Variants in SLC5A3 observed in about 807,000 individuals in gnomAD.
SLC5A3 encodes the protein solute carrier family 5 member 3.
In SLC5A3, 10 loss-of-function variants were observed where a neutral mutation model predicts 43.2. That is an observed-to-expected ratio of 0.23 (90% CI 0.14 to 0.39). The LOEUF is 0.39. Among genes scored for constraint, SLC5A3 ranks in the 10% least tolerant of loss-of-function variants. The probability of loss-of-function intolerance (pLI) is 1.00; values close to 1 mark genes in which losing one functional copy is unlikely to be tolerated. For synonymous variants in SLC5A3, 349 were observed against 322.0 expected (o/e 1.08, Z -0.90); for missense variants, 608 against 893.4 (o/e 0.68, Z 4.07).
rs560496840 is a variant in SLC5A3 at position 34,105,428 on chromosome 21, A to C, written c.*8073A>C. ...TCCTGTGAAATTGCTTCATTCATTC[A>C]TTTATTTTTAAGCCAAATGTCAGCA... On this transcript the variant is annotated 3_prime_UTR_variant, in exon 2 of 2. Transcript: ENST00000381151. 1.0e-6 allele frequency: 1 copy of C among 997,186 alleles called. No individual in the cohort carries two copies. The highest frequency in any genetic ancestry group is 4.7e-5 in the South Asian group (1 of 21,274). The allele number at this position is 997,186 out of a possible 1,614,324, so 61.8% of individuals were successfully genotyped here. A position where few individuals can be genotyped will look rare whatever the true frequency, so the allele number is the denominator to read the frequency against.
chr21:34,078,951 C>A (rs1989396142), intron 1 of SLC5A3, among the ~76,000 whole-genome samples: 1 of 152,178 alleles, frequency 6.6e-6, no homozygotes, highest in Non-Finnish European at 1.5e-5. Context: ...GTAGTTACCT[C>A]TTAGGGGAAT....
At chr21:34,087,819 G>A (rs976411817) in intron 1 of SLC5A3, among the ~76,000 whole-genome samples, 6 of 152,224 alleles carry the variant, frequency 3.9e-5, no homozygotes, top group African/African-American at 1.4e-4. Flanking sequence ...GAGATGGAAT[G>A]GTGATTTGAA....
intron 1 of SLC5A3, among the ~76,000 whole-genome samples, chr21:34,090,082 T>G (rs139112992): frequency 6.6e-6 from 1 of 152,128 alleles, no homozygotes; most frequent in Non-Finnish European, 1.5e-5. Flanking sequence ...TCAAAAAGTT[T>G]TGGATTTGGG....
chr21:34,084,799 A>AT (rs1989534595), intron 1 of SLC5A3, among the ~76,000 whole-genome samples: 1 of 152,060 alleles, frequency 6.6e-6, no homozygotes, highest in Non-Finnish European at 1.5e-5. Context: ...TTATCTTAAA[A>AT]TTTTTTTCAT....
Position 34,098,887 on chromosome 21 carries a change from A to G in SLC5A3, c.*1532A>G. 1.0e-6 allele frequency: 1 copy of G among 999,090 alleles called. No individual in the cohort carries two copies. The highest frequency in any genetic ancestry group is 1.2e-6 in the Non-Finnish European group (1 of 828,938). 61.9% of individuals were successfully genotyped at this position (999,090 alleles called of 1,614,324 possible). A position where few individuals can be genotyped will look rare whatever the true frequency, so the allele number is the denominator to read the frequency against. On this transcript the variant is annotated 3_prime_UTR_variant, in exon 2 of 2. Transcript: ENST00000381151. ...GCAAATTATGTATGTACTTTCTTTG[A>G]CCTTCTTTAATCTCTGATACTTTTT... is the stretch of plus-strand genomic sequence containing the variant.
chr21:34,095,965 A>G lies in SLC5A3; in HGVS notation c.767A>G (p.Asp256Gly), dbSNP rs759490854. ...CTGAAAATGCTGCGGAATCCAACAG[A>G]TGAAGATGTTCCTTGGCCTGGATTC... Reference protein sequence around the residue: ...EALKMLRNPTDEDVPWPGFIL... With the variant: ...EALKMLRNPTGEDVPWPGFIL... The change falls in exon 2 of 2, where the codon GAT becomes GGT. Residue 256 changes from aspartate (D) to glycine (G), a missense_variant. Transcript: ENST00000381151. 3.1e-6 allele frequency: 5 copies of G among 1,614,004 alleles called. No homozygotes were observed.
rs1379256092 is a variant in SLC5A3 at position 34,104,138 on chromosome 21, A to G, written c.*6783A>G. The G allele has an allele frequency of 1.0e-6, 1 of 999,756 alleles. No homozygotes were observed. The highest frequency in any genetic ancestry group is 6.2e-5 in the Admixed American group (1 of 16,234). The allele number at this position is 999,756 out of a possible 1,614,324, so 61.9% of individuals were successfully genotyped here. On this transcript the variant is annotated 3_prime_UTR_variant, in exon 2 of 2. Coordinates refer to ENST00000381151, the MANE Select transcript of SLC5A3 (RefSeq NM_006933.7). ...GAAGTTACCTTTATTTTTTTCCTAT[A>G]CTTGACTGTGCTTCATTTTAATAAA... is the stretch of plus-strand genomic sequence containing the variant.
chr21:34,105,487 TGTAA>T lies in SLC5A3; in HGVS notation c.*8136_*8139del. The T allele has an allele frequency of 6.0e-6, 6 of 999,962 alleles. No homozygotes were observed. The highest frequency in any genetic ancestry group is 7.2e-6 in the Non-Finnish European group (6 of 829,768). The allele number at this position is 999,962 out of a possible 1,614,324, so 61.9% of individuals were successfully genotyped here. On this transcript the variant is annotated 3_prime_UTR_variant, in exon 2 of 2. Transcript: ENST00000381151. The stretch of plus-strand genomic sequence containing the variant: ...CTGCTTTTATCTAGTAATTTTGATA[TGTAA>T]GTATTAATGCATTTTTAAAAGATGT...
intron 1 of SLC5A3, among the ~76,000 whole-genome samples, chr21:34,082,692 A>G (rs1294595146): frequency 1.3e-5 from 2 of 152,212 alleles, no homozygotes; most frequent in Non-Finnish European, 2.9e-5. Context: ...TTGTGTTTCC[A>G]TAAAATAGAA....
In SLC5A3 at chr21:34,102,660, T is replaced by A. The variant is rs1209502381; in HGVS notation, c.*5305T>A. 1 of 1,000,034 alleles carries A rather than the reference T, an allele frequency of 1.0e-6. No homozygotes were observed. Among genetic ancestry groups the A allele is most frequent in the Non-Finnish European group, 1.2e-6 (1 of 829,906 alleles). 61.9% of individuals were successfully genotyped at this position (1,000,034 alleles called of 1,614,324 possible). On this transcript the variant is annotated 3_prime_UTR_variant, in exon 2 of 2. Transcript: ENST00000381151. ...TGGTTACCTGGGTTCACAGCTTGCT[T>A]GAAGAGAAAGGATGCTAGAATAAAG...
At chr21:34,079,440 C>T (rs959493102) in intron 1 of SLC5A3, among the ~76,000 whole-genome samples, 2 of 150,420 alleles carry the variant, frequency 1.3e-5, no homozygotes, top group Admixed American at 1.3e-4. Flanking sequence ...CCTTCTTCTT[C>T]TTTCTGTTTT....
At chr21:34,076,314 T>C (rs1989329744) in intron 1 of SLC5A3, among the ~76,000 whole-genome samples, 1 of 152,182 alleles carries the variant, frequency 6.6e-6, no homozygotes, top group South Asian at 2.1e-4. Flanking sequence ...TCCTTTAAAT[T>C]GAGCTTGCAA....
intron 1 of SLC5A3, among the ~76,000 whole-genome samples, chr21:34,079,872 T>A (rs940450922): frequency 4.1e-4 from 62 of 152,122 alleles, no homozygotes; most frequent in African/African-American, 1.5e-3. Context: ...GCAAACTCAG[T>A]GTGGTTAAGA....
chr21:34,091,068 A>C (rs1026906335), intron 1 of SLC5A3, among the ~76,000 whole-genome samples: 2 of 152,226 alleles, frequency 1.3e-5, no homozygotes, highest in African/African-American at 4.8e-5. Flanking sequence ...TAACCCTTCA[A>C]TTATTAGCTG....
In SLC5A3 at chr21:34,100,991, G is replaced by T. The variant is rs1979212389; in HGVS notation, c.*3636G>T. 1 of 1,000,146 alleles carries T rather than the reference G, an allele frequency of 1.0e-6. No homozygotes were observed. Among genetic ancestry groups the T allele is most frequent in the Non-Finnish European group, 1.2e-6 (1 of 829,908 alleles). 62.0% of individuals were successfully genotyped at this position (1,000,146 alleles called of 1,614,324 possible). Reference sequence around the variant, plus strand: ...GGCTCATTTTCATCAGAGGCATGATGACTGGAAAGGGATCACATGGGTCGT... The same window carrying T: ...GGCTCATTTTCATCAGAGGCATGATTACTGGAAAGGGATCACATGGGTCGT... On this transcript the variant is annotated 3_prime_UTR_variant, in exon 2 of 2. Transcript: ENST00000381151.
At position 34,097,127 on chromosome 21, in the gene SLC5A3, G is replaced by GAGAA; in HGVS notation, c.1939_1942dup (p.Thr648ArgfsTer4). On this transcript the variant is annotated frameshift_variant, in exon 2 of 2. Transcript: ENST00000381151. LOFTEE classifies it high-confidence loss of function. The stretch of plus-strand genomic sequence containing the variant: ...AAGCAGCTCTCATGGGTGAGAAAGA[G>GAGAA]AGAAAGAAAGAAACGGATGATGGAG... The GAGAA allele has an allele frequency of 1.2e-6, 2 of 1,614,032 alleles. No homozygotes were observed. Among genetic ancestry groups the GAGAA allele is most frequent in the Non-Finnish European group, 1.7e-6 (2 of 1,179,954 alleles).
chr21:34,088,158 A>G (rs911375211), intron 1 of SLC5A3, among the ~76,000 whole-genome samples: 11 of 152,226 alleles, frequency 7.2e-5, no homozygotes, highest in African/African-American at 2.7e-4. Context: ...CTTTAACTTA[A>G]TGTTTTAAAG....
At position 34,097,305 on chromosome 21, in the gene SLC5A3, T is replaced by C. The variant is rs1218594914; in HGVS notation, c.2107T>C (p.Phe703Leu). Residue 703 changes from phenylalanine to leucine, a missense_variant, in exon 2 of 2, where the codon TTT becomes CTT. Physicochemically the swap from Phe to Leu is conservative, Grantham distance 22. Coordinates refer to ENST00000381151, the MANE Select transcript of SLC5A3 (RefSeq NM_006933.7). ...QVKVILNIGL[F>L]AVCSLGIFMF... ...TAAAGTAATACTAAATATTGGACTTTTTGCTGTGTGTTCACTTGGAATTTT... is the reference window on the plus strand; with the variant it reads ...TAAAGTAATACTAAATATTGGACTTCTTGCTGTGTGTTCACTTGGAATTTT... 1.9e-6 allele frequency: 3 copies of C among 1,611,066 alleles called. No homozygotes were observed. The highest frequency in any genetic ancestry group is 1.7e-6 in the Non-Finnish European group (2 of 1,179,060).
At chr21:34,091,206 C>G (rs911918258) in intron 1 of SLC5A3, among the ~76,000 whole-genome samples, 9 of 152,134 alleles carry the variant, frequency 5.9e-5, no homozygotes, top group African/African-American at 2.2e-4. Flanking sequence ...GACTCCAAAG[C>G]TAAAAGAGGT....
Sources: allele counts gnomAD v4.1 joint callset (sites outside exome capture counted in the v4.1 genomes callset), GRCh38; gene constraint gnomAD v4.1.1; transcripts MANE v1.5; gene names NCBI Gene and HGNC (gene_info 2026-07-23, HGNC 2026-07-21).